FGF10: variants seen among roughly 807,000 people sequenced by gnomAD.
FGF10 encodes the protein fibroblast growth factor 10.
FGF10 carries 2 observed loss-of-function variants against 19.8 expected under a neutral mutation model. That is an observed-to-expected ratio of 0.10 (90% confidence interval 0.04 to 0.32). The LOEUF is 0.32. Among genes scored for constraint, FGF10 ranks in the 10% least tolerant of loss-of-function variants. The pLI is 1.00. For synonymous variants in FGF10, 112 were observed against 94.0 expected (o/e 1.19, Z -1.10); for missense variants, 191 against 246.3 (o/e 0.78, Z 1.50).
intron 2 of FGF10, among the ~76,000 whole-genome samples, chr5:44,307,756 T>C (rs1740116392): frequency 2.6e-5 from 4 of 152,222 alleles, no homozygotes; most frequent in Admixed American, 6.5e-5. Flanking sequence ...ATTTTGATGT[T>C]AGTTCTATTC....
chr5:44,344,104 A>C (rs777228935), intron 1 of FGF10, among the ~76,000 whole-genome samples: 1 of 151,928 alleles, frequency 6.6e-6, no homozygotes, highest in Non-Finnish European at 1.5e-5. Context: ...CCAACAGAAC[A>C]AGCCAGGTTG....
chr5:44,329,700 T>A (rs990468626), intron 1 of FGF10, among the ~76,000 whole-genome samples: 5 of 152,132 alleles, frequency 3.3e-5, no homozygotes, highest in Admixed American at 2.0e-4. Context: ...TTTTAAGTGG[T>A]TTTGGCAAAA....
chr5:44,349,400 A>G (rs1294150001), intron 1 of FGF10, among the ~76,000 whole-genome samples: 1 of 127,612 alleles, frequency 7.8e-6, no homozygotes, highest in Non-Finnish European at 1.7e-5. Flanking sequence ...TTCTTGCCTA[A>G]GAAAATGGGA....
chr5:44,367,702 T>A (rs1022703192), intron 1 of FGF10, among the ~76,000 whole-genome samples: 2 of 152,012 alleles, frequency 1.3e-5, no homozygotes, highest in Non-Finnish European at 2.9e-5. Context: ...GCATTCAATA[T>A]CATTAGTTAT....
chr5:44,334,469 A>T (rs1478060737), intron 1 of FGF10, among the ~76,000 whole-genome samples: 1 of 152,244 alleles, frequency 6.6e-6, no homozygotes, highest in African/African-American at 2.4e-5. Flanking sequence ...ACATAGGGGA[A>T]TATGGTTACT....
At chr5:44,366,916 A>C (rs1405087489) in intron 1 of FGF10, among the ~76,000 whole-genome samples, 1 of 152,086 alleles carries the variant, frequency 6.6e-6, no homozygotes, top group Non-Finnish European at 1.5e-5. Context: ...TAAATAAAGA[A>C]GAAAATAAAT....
intron 1 of FGF10, among the ~76,000 whole-genome samples, chr5:44,326,823 C>T (rs566253582): frequency 1.3e-5 from 2 of 152,216 alleles, no homozygotes; most frequent in East Asian, 3.9e-4. Flanking sequence ...TGAAGAAACT[C>T]ATGTGAAAAG....
chr5:44,307,956 T>C (rs1265707782), intron 2 of FGF10, among the ~76,000 whole-genome samples: 1 of 152,068 alleles, frequency 6.6e-6, no homozygotes, highest in Non-Finnish European at 1.5e-5. Flanking sequence ...CTACCAGAGG[T>C]TAGGTTTATG....
At chr5:44,378,757 A>G (rs529805170) in intron 1 of FGF10, among the ~76,000 whole-genome samples, 70 of 152,268 alleles carry the variant, frequency 4.6e-4, no homozygotes, top group Admixed American at 9.2e-4. Context: ...ACAAAAACCA[A>G]GTATATTTCT....
Position 44,304,722 on chromosome 5 carries a change from C to T in FGF10, c.*273G>A, listed in dbSNP as rs1044034531. ...AAAAACAAAAACTTGACAACAACAA[C>T]AAAAAACCCAGCCACAATGTTTTTC... is the stretch of plus-strand genomic sequence containing the variant. On this transcript the variant is annotated 3_prime_UTR_variant, in exon 3 of 3. Coordinates refer to ENST00000264664, the MANE Select transcript of FGF10 (RefSeq NM_004465.2). The T allele has an allele frequency of 2.4e-6, 1 of 409,492 alleles. No individual in the cohort carries two copies. Among genetic ancestry groups the T allele is most frequent in the African/African-American group, 2.0e-5 (1 of 49,642 alleles). 25.4% of individuals were successfully genotyped at this position (409,492 alleles called of 1,614,324 possible). A position where few individuals can be genotyped will look rare whatever the true frequency, so the allele number is the denominator to read the frequency against.
chr5:44,341,666 A>G (rs1740974572), intron 1 of FGF10, among the ~76,000 whole-genome samples: 2 of 152,002 alleles, frequency 1.3e-5, no homozygotes, highest in South Asian at 2.1e-4. Context: ...TAAAACCTCT[A>G]GGGAACTGTT....
At chr5:44,349,130 A>G (rs1038344794) in intron 1 of FGF10, among the ~76,000 whole-genome samples, 7 of 151,094 alleles carry the variant, frequency 4.6e-5, no homozygotes, top group Admixed American at 6.6e-5. Flanking sequence ...TTTATTTTCT[A>G]GGATACTTTG....
intron 1 of FGF10, among the ~76,000 whole-genome samples, chr5:44,347,647 C>T (rs543571020): frequency 4.4e-4 from 67 of 151,754 alleles, no homozygotes; most frequent in African/African-American, 1.6e-3. Flanking sequence ...TTGATTGCCA[C>T]ATGAATAAAT....
At chr5:44,384,101 T>C (rs969505314) in intron 1 of FGF10, among the ~76,000 whole-genome samples, 1 of 152,112 alleles carries the variant, frequency 6.6e-6, no homozygotes, top group African/African-American at 2.4e-5. Context: ...TTTAGAGTCA[T>C]ATATCAGAAG....
At chr5:44,357,677 T>C (rs903989134) in intron 1 of FGF10, among the ~76,000 whole-genome samples, 5 of 151,446 alleles carry the variant, frequency 3.3e-5, no homozygotes, top group Non-Finnish European at 5.9e-5. Context: ...TCTTAACCAT[T>C]ATGCTATTTT....
chr5:44,372,344 A>G (rs1277273071), intron 1 of FGF10, among the ~76,000 whole-genome samples: 1 of 151,982 alleles, frequency 6.6e-6, no homozygotes, highest in Admixed American at 6.6e-5. Flanking sequence ...TGTACATCTA[A>G]TCTCCCTCTG....
intron 1 of FGF10, among the ~76,000 whole-genome samples, chr5:44,385,896 G>C (rs1448865151): frequency 2.0e-5 from 3 of 152,094 alleles, no homozygotes; most frequent in Non-Finnish European, 4.4e-5. Flanking sequence ...ATTTTCACTT[G>C]CTATGTTTTG....
intron 1 of FGF10, among the ~76,000 whole-genome samples, chr5:44,335,507 CA>C (rs551148234): frequency 2.6e-5 from 4 of 152,054 alleles, no homozygotes; most frequent in Admixed American, 1.3e-4. Context: ...TTTATGTTCC[CA>C]ATTCTATGTG....
At chr5:44,383,707 G>A (rs1274594465) in intron 1 of FGF10, among the ~76,000 whole-genome samples, 1 of 152,080 alleles carries the variant, frequency 6.6e-6, no homozygotes, top group Non-Finnish European at 1.5e-5. Context: ...ACAGGACAAT[G>A]TCATGTAAAC....
Sources: allele counts gnomAD v4.1 joint callset (sites outside exome capture counted in the v4.1 genomes callset), GRCh38; gene constraint gnomAD v4.1.1; transcripts MANE v1.5; gene names NCBI Gene and HGNC (gene_info 2026-07-23, HGNC 2026-07-21).